DOCK8: variants seen among roughly 807,000 people sequenced by gnomAD.
DOCK8 encodes the protein dedicator of cytokinesis protein 8.
A neutral mutation model predicts 245.6 loss-of-function variants in DOCK8; 141 were observed. That is an observed-to-expected ratio of 0.57 (90% CI 0.50 to 0.66). The LOEUF is 0.66. Among genes scored for constraint, DOCK8 ranks in the 30% least tolerant of loss-of-function variants. DOCK8 has a pLI of 0.00. For synonymous variants in DOCK8, 1,168 were observed against 970.2 expected (o/e 1.20, Z -3.79); for missense variants, 2,965 against 2,603.4 (o/e 1.14, Z -3.02).
At chr9:418,758 A>G (rs527725685) in intron 30 of DOCK8, among the ~76,000 whole-genome samples, 1 of 152,332 alleles carries the variant, frequency 6.6e-6, no homozygotes, top group East Asian at 1.9e-4. Flanking sequence ...CAAGTTCAAG[A>G]AACCGGAAAA....
At chr9:389,096 A>G (rs1432878903) in intron 23 of DOCK8, among the ~76,000 whole-genome samples, 1 of 152,188 alleles carries the variant, frequency 6.6e-6, no homozygotes, top group East Asian at 1.9e-4. Context: ...CATTTTTGGC[A>G]TTAATTAGGG....
chr9:256,950 T>C (rs1165155851), intron 1 of DOCK8, among the ~76,000 whole-genome samples: 1 of 152,214 alleles, frequency 6.6e-6, no homozygotes. Context: ...AACTAAGAGA[T>C]TCTCGTCATT....
intron 45 of DOCK8, 27 bp from the exon 46 acceptor site, chr9:451,973 ATATATTTTTTT>A (rs751367872): frequency 1.1e-3 from 392 of 368,692 alleles, no homozygotes; most frequent in East Asian, 4.6e-3. Flanking sequence ...ATATATATAT[ATATATTTTTTT>A]TTTTTTTTTT....
At chr9:338,312 A>G (rs890334413) in intron 12 of DOCK8, among the ~76,000 whole-genome samples, 1 of 152,210 alleles carries the variant, frequency 6.6e-6, no homozygotes, top group Non-Finnish European at 1.5e-5. Flanking sequence ...ACAAACTGAA[A>G]TGCAAAAGGG....
Position 452,218 on chromosome 9 carries a change from CAA to C in DOCK8, c.6068+103_6068+104del, listed in dbSNP as rs1181074497. The C allele has an allele frequency of 5.1e-6, 4 of 788,068 alleles. No homozygotes were observed. In the East Asian group the frequency reaches 1.2e-4, roughly 23 times the overall value. The allele number at this position is 788,068 out of a possible 1,614,324, so 48.8% of individuals were successfully genotyped here. Reference sequence around the variant, plus strand: ...ATCACCTGAGAACTTGCTAGAAAGACAAAGTCTCAGGCACCCTCCAGACCTGC... The same window carrying C: ...ATCACCTGAGAACTTGCTAGAAAGACAGTCTCAGGCACCCTCCAGACCTGC... On this transcript the variant is annotated intron_variant, in intron 46 of 47. Coordinates refer to ENST00000432829, the MANE Select transcript of DOCK8 (RefSeq NM_203447.4).
At chr9:388,669 C>G (rs1344933749) in intron 23 of DOCK8, among the ~76,000 whole-genome samples, 3 of 152,044 alleles carry the variant, frequency 2.0e-5, no homozygotes, top group Non-Finnish European at 4.4e-5. Context: ...ATTCTCCTGC[C>G]TCAGCCTCCA....
chr9:214,882 C>T lies in DOCK8; in HGVS notation c.-95C>T, dbSNP rs145525909. 2.4e-5 allele frequency: 39 copies of T among 1,602,054 alleles called. No homozygotes were observed. Among genetic ancestry groups the T allele is most frequent in the Non-Finnish European group, 3.3e-5 (39 of 1,175,030 alleles). ...CGCCGACCGACAGACGAGGTTTGCG[C>T]TTGGCTGGGCATGTTCCGCGGCTAC... On this transcript the variant is annotated 5_prime_UTR_variant, in exon 1 of 48. Coordinates refer to ENST00000432829, the MANE Select transcript of DOCK8 (RefSeq NM_203447.4).
chr9:325,785 T>C (rs2050741507), intron 8 of DOCK8, 48 bp downstream of exon 8: 1 of 1,497,550 alleles, frequency 6.7e-7, no homozygotes, highest in South Asian at 1.1e-5. Context: ...ATATTGTTCA[T>C]GATTCTTTGC....
At chr9:274,205 C>CT (rs1213491443) in intron 2 of DOCK8, among the ~76,000 whole-genome samples, 11 of 152,116 alleles carry the variant, frequency 7.2e-5, no homozygotes, top group African/African-American at 2.7e-4. Flanking sequence ...TGTGGCTTAG[C>CT]TGTCCATTTT....
intron 9 of DOCK8, among the ~76,000 whole-genome samples, chr9:330,379 A>G (rs1428817620): frequency 6.6e-6 from 1 of 152,230 alleles, no homozygotes; most frequent in Non-Finnish European, 1.5e-5. Flanking sequence ...AACACAAAGC[A>G]GAGAGCCTAG....
chr9:373,657 T>C (rs903086101), intron 18 of DOCK8, among the ~76,000 whole-genome samples: 2 of 152,234 alleles, frequency 1.3e-5, no homozygotes, highest in African/African-American at 4.8e-5. Flanking sequence ...TTCTCTGTTC[T>C]TTCGCCATCT....
chr9:225,747 G>A (rs1402983183), intron 1 of DOCK8, among the ~76,000 whole-genome samples: 1 of 152,166 alleles, frequency 6.6e-6, no homozygotes, highest in Non-Finnish European at 1.5e-5. Flanking sequence ...TAAAATAAGT[G>A]TGATACAGAG....
intron 39 of DOCK8, among the ~76,000 whole-genome samples, chr9:436,447 C>G (rs2056905343): frequency 6.6e-6 from 1 of 152,202 alleles, no homozygotes; most frequent in African/African-American, 2.4e-5. Flanking sequence ...ACTACTCTTT[C>G]AATTCCCAGG....
intron 29 of DOCK8, among the ~76,000 whole-genome samples, chr9:417,634 C>T (rs1451573576): frequency 2.6e-5 from 4 of 152,202 alleles, no homozygotes; most frequent in African/African-American, 9.6e-5. Context: ...AATAAATTGA[C>T]ATTCATTTTA....
At chr9:443,655 ACT>A in intron 43 of DOCK8, 139 bp downstream of exon 43, 1 of 677,938 alleles carries the variant, frequency 1.5e-6, no homozygotes, top group Non-Finnish European at 2.6e-6. Context: ...GAGTTCAACT[ACT>A]AATTGGTCAG....
chr9:403,997 T>C (rs2055299401), intron 26 of DOCK8, among the ~76,000 whole-genome samples: 2 of 123,162 alleles, frequency 1.6e-5, no homozygotes, highest in African/African-American at 7.4e-5. Context: ...TATATGTGTA[T>C]ATATATATAT....
chr9:427,797 T>C (rs1206289183), intron 34 of DOCK8, among the ~76,000 whole-genome samples: 1 of 152,234 alleles, frequency 6.6e-6, no homozygotes, highest in Admixed American at 6.5e-5. Context: ...CTTTAATATC[T>C]TTGATAACTT....
chr9:460,942 A>AAT (rs1344962784), intron 46 of DOCK8, among the ~76,000 whole-genome samples: 2 of 152,248 alleles, frequency 1.3e-5, no homozygotes, highest in African/African-American at 4.8e-5. Context: ...TTTGAAGGAT[A>AAT]ATATAGTTAT....
intron 7 of DOCK8, among the ~76,000 whole-genome samples, chr9:323,817 A>T (rs1007750442): frequency 6.6e-6 from 1 of 152,172 alleles, no homozygotes; most frequent in African/African-American, 2.4e-5. Flanking sequence ...GTTCATCTAT[A>T]TTGTAGTATG....
Sources: allele counts gnomAD v4.1 joint callset (sites outside exome capture counted in the v4.1 genomes callset), GRCh38; gene constraint gnomAD v4.1.1; transcripts MANE v1.5; gene names NCBI Gene and HGNC (gene_info 2026-07-23, HGNC 2026-07-21).